TCIRG1: variants seen among roughly 807,000 people sequenced by gnomAD.
TCIRG1 encodes the protein T cell immune regulator 1, ATPase H+ transporting V0 subunit a3.
In TCIRG1, 86 loss-of-function variants were observed where a neutral mutation model predicts 95.5. The ratio of observed to expected loss-of-function variants is 0.90; its 90% CI spans 0.76 to 1.08. TCIRG1 has a LOEUF of 1.08. TCIRG1 is among the 50% of genes least tolerant of loss of function. The pLI, the probability that TCIRG1 is intolerant of heterozygous loss-of-function variation, is 0.00. For synonymous variants in TCIRG1, 499 were observed against 501.3 expected, an observed-to-expected ratio of 1.00 and a Z score of 0.06; for missense variants, 1,069 against 1,140.2, an observed-to-expected ratio of 0.94 and a Z score of 0.90.
chr11:68,051,806 C>T (rs1174515776), downstream of TCIRG1, among the ~76,000 whole-genome samples: 2 of 152,166 alleles, frequency 1.3e-5, no homozygotes, highest in Non-Finnish European at 2.9e-5. Context: ...ATCCAGAACC[C>T]AACGCCTTAC....
intron 10 of TCIRG1, among the ~76,000 whole-genome samples, chr11:68,045,527 C>G (rs1246120194): frequency 1.3e-5 from 2 of 151,862 alleles, no homozygotes; most frequent in Non-Finnish European, 2.9e-5. Context: ...CCAGGGGCAG[C>G]CTTTGGTGTG....
At chr11:68,039,780 C>G (rs117155384) in intron 1 of TCIRG1, 1,562 of 152,348 alleles carry the variant, frequency 0.01, 9 homozygotes, top group Non-Finnish European at 0.017. Flanking sequence ...CCTTTCCCCC[C>G]GCCCATTACA....
chr11:68,043,207 C>G, intron 5 of TCIRG1, 164 bp from the exon 6 acceptor site: 1 of 1,482,568 alleles, frequency 6.7e-7, no homozygotes. Context: ...AGGGGGTTCT[C>G]CTCTTCTGGT....
chr11:68,050,944 G>A, downstream of TCIRG1: 1 of 1,096,924 alleles, frequency 9.1e-7, no homozygotes, highest in African/African-American at 1.5e-5. Flanking sequence ...CAGGTGGCAG[G>A]GTAGAAGGCA....
chr11:68,044,822 C>T (rs1855390306), intron 9 of TCIRG1, 136 bp from the exon 10 acceptor site: 3 of 1,108,188 alleles, frequency 2.7e-6, no homozygotes, highest in Non-Finnish European at 2.6e-6. Flanking sequence ...CTGATCATCT[C>T]ACGTCAGAGA....
chr11:68,044,281 TGCCGAG>T lies in TCIRG1; in HGVS notation c.961_966del (p.Glu321_Ala322del), dbSNP rs1465717669. The stretch of plus-strand genomic sequence containing the variant: ...TGAGCACCACGCACAAGTGCCTCAT[TGCCGAG>T]GCCTGGTGCTCTGTGCGAGACCTGC... On this transcript the variant is annotated inframe_deletion, in exon 9 of 20. Transcript: ENST00000265686. The T allele has an allele frequency of 1.9e-6, 3 of 1,604,938 alleles. No individual in the cohort carries two copies. Among genetic ancestry groups the T allele is most frequent in the Non-Finnish European group, 1.7e-6 (2 of 1,177,376 alleles).
chr11:68,045,103 G>T lies in TCIRG1; in HGVS notation c.1165+1G>T, dbSNP rs780745598. 1 of 1,600,654 alleles carries T rather than the reference G, an allele frequency of 6.2e-7. No individual in the cohort carries two copies. The highest frequency in any genetic ancestry group is 8.5e-7 in the Non-Finnish European group (1 of 1,179,948). ...GGCCGCTACCAGGAGGTCAACCCCG[G>T]TGAGAGCCACGGCATCCTTACCCGT... On this transcript the variant is annotated splice_donor_variant, in intron 10 of 19. Coordinates refer to ENST00000265686, the MANE Select transcript of TCIRG1 (RefSeq NM_006019.4). LOFTEE classifies it high-confidence loss of function.
At chr11:68,051,702 A>G (rs1855803749), downstream of TCIRG1, among the ~76,000 whole-genome samples, 1 of 152,196 alleles carries the variant, frequency 6.6e-6, no homozygotes, top group African/African-American at 2.4e-5. Flanking sequence ...TGCCCAGCAG[A>G]TTCAGCTTAG....
chr11:68,051,004 C>A, downstream of TCIRG1: 1 of 681,488 alleles, frequency 1.5e-6, no homozygotes, highest in South Asian at 1.7e-5. Flanking sequence ...CTGAGCAGAT[C>A]TGCAATAATG....
At chr11:68,048,819 C>T in intron 13 of TCIRG1, 60 bp from the exon 14 acceptor site, 1 of 1,253,492 alleles carries the variant, frequency 8.0e-7, no homozygotes, top group South Asian at 1.2e-5. Context: ...GGGCCGGGGA[C>T]TTCCTGGCAG....
chr11:68,051,178 C>T (rs1030152764), downstream of TCIRG1, among the ~76,000 whole-genome samples: 22 of 152,322 alleles, frequency 1.4e-4, no homozygotes, highest in Admixed American at 1.3e-3. Context: ...GGGTTACTCT[C>T]TGTTGGGAGT....
chr11:68,039,456 T>A (rs1855057949), intron 1 of TCIRG1, among the ~76,000 whole-genome samples: 3 of 151,912 alleles, frequency 2.0e-5, no homozygotes, highest in Admixed American at 2.0e-4. Flanking sequence ...ACCAGCTGGG[T>A]CATTTGACTC....
intron 5 of TCIRG1, 95 bp from the exon 6 acceptor site, chr11:68,043,276 G>T: frequency 6.7e-7 from 1 of 1,495,746 alleles, no homozygotes; most frequent in South Asian, 1.3e-5. Flanking sequence ...CCAATTGCCC[G>T]ATTGCCCGTG....
rs1855265233 is a variant in TCIRG1 at position 68,043,193 on chromosome 11, C to T, written c.503+162C>T. On this transcript the variant is annotated intron_variant, in intron 5 of 19. Coordinates refer to ENST00000265686, the MANE Select transcript of TCIRG1 (RefSeq NM_006019.4). ...AACTTCCCACAGTCCCAAGCCCTAG[C>T]CCTAGGGGGTTCTCCTCTTCTGGTC... 105 of 1,492,930 alleles carry T rather than the reference C, an allele frequency of 7.0e-5. 2 individuals carry two copies. The South Asian group carries it at 1.3e-3, about 18-fold the overall frequency. The allele number at this position is 1,492,930 out of a possible 1,614,324, so 92.5% of individuals were successfully genotyped here. A position where few individuals can be genotyped will look rare whatever the true frequency, so the allele number is the denominator to read the frequency against.
In TCIRG1 at chr11:68,042,958, C is replaced by T. The variant is rs1017915060; in HGVS notation, c.430C>T (p.His144Tyr). ...TCTGGGTTCCTAGCTGGCAGCCGCC[C>T]ACACAGATGGGGCCTCAGAGAGGAC... ...QGHEPQLAAA[H>Y]TDGASERTPL... The change falls in exon 5 of 20, where the codon CAC becomes TAC. Residue 144 changes from histidine (H) to tyrosine (Y), a missense_variant. By Grantham distance (83) the His-to-Tyr change is moderately conservative. Transcript: ENST00000265686. 3 of 1,554,558 alleles carry T rather than the reference C, an allele frequency of 1.9e-6. No individual in the cohort carries two copies. Among genetic ancestry groups the T allele is most frequent in the Admixed American group, 1.9e-5 (1 of 52,046 alleles).
At chr11:68,039,554 G>C (rs1199759526) in intron 1 of TCIRG1, among the ~76,000 whole-genome samples, 1 of 152,208 alleles carries the variant, frequency 6.6e-6, no homozygotes, top group African/African-American at 2.4e-5. Context: ...GAGGTGCAGA[G>C]AGACCTGCTG....
Position 68,050,524 on chromosome 11 carries a change from A to AGGCCTG in TCIRG1, c.2285_2290dup (p.Leu762_Gly763dup), listed in dbSNP as rs199973759. On this transcript the variant is annotated inframe_insertion, in exon 19 of 20. Transcript: ENST00000265686. ...TTCTGTGGGCCATGGTGATGCGCAT[A>AGGCCTG]GGCCTGGGCCTGGGCCGGGAGGTGG... is the stretch of plus-strand genomic sequence containing the variant. 3.6e-3 allele frequency: 5,820 copies of AGGCCTG among 1,613,774 alleles called. 196 individuals are homozygous for AGGCCTG. In the African/African-American group the frequency reaches 0.067, roughly 19 times the overall value.
At chr11:68,049,395 A>G in intron 15 of TCIRG1, 101 bp downstream of exon 15, 1 of 1,295,818 alleles carries the variant, frequency 7.7e-7, no homozygotes, top group Non-Finnish European at 1.1e-6. Context: ...AGAAACGGGG[A>G]TGCAGGCCCC....
In TCIRG1 at chr11:68,042,513, C is replaced by T. The variant is rs187593378; in HGVS notation, c.197-130C>T. The T allele has an allele frequency of 8.8e-3, 6,558 of 748,058 alleles. 60 individuals carry two copies. Among genetic ancestry groups the T allele is most frequent in the South Asian group, 9.6e-3 (559 of 58,350 alleles). The allele number at this position is 748,058 out of a possible 1,614,324, so 46.3% of individuals were successfully genotyped here. On this transcript the variant is annotated intron_variant, in intron 3 of 19. Transcript: ENST00000265686. Reference sequence around the variant, plus strand: ...CACAGCTTCTGGATGAAAGTTTGGCCGGGATTTTCTGGCCACCTCCACCTG... The same window carrying T: ...CACAGCTTCTGGATGAAAGTTTGGCTGGGATTTTCTGGCCACCTCCACCTG...
Sources: allele counts gnomAD v4.1 joint callset (sites outside exome capture counted in the v4.1 genomes callset), GRCh38; gene constraint gnomAD v4.1.1; transcripts MANE v1.5; gene names NCBI Gene and HGNC (gene_info 2026-07-23, HGNC 2026-07-21).